The following NUP133 variants were observed in gnomAD, a reference collection of about 807,000 sequenced individuals.
The protein encoded by NUP133 is nuclear pore complex protein Nup133.
Under a neutral mutation model 146.2 loss-of-function variants are expected in NUP133, and 66 were observed. That is an observed-to-expected ratio of 0.45 (90% CI 0.37 to 0.55). NUP133 has a LOEUF of 0.55. Ranked by LOEUF, NUP133 falls within the 20% of genes least tolerant of loss-of-function variation. The pLI is 0.00. For synonymous variants in NUP133, 521 were observed against 498.8 expected, an observed-to-expected ratio of 1.04 and a Z score of -0.59; for missense variants, 1,277 against 1,374.8, an observed-to-expected ratio of 0.93 and a Z score of 1.12.
rs200086993 is a variant in NUP133, at chr1:229,450,533, T to C, written c.3172A>G (p.Ile1058Val). ...CAAGCAATTTTACTTACCTCATCAA[T>C]ATATTCCAACAAGTCCAAAGCTTTC... ...FKKALDLLEY[I>V]DEEEDININD... The change falls in exon 23 of 26, where the codon ATT becomes GTT. Residue 1058 changes from isoleucine to valine, a missense_variant. This residue lies in a region of NUP133 where 952 missense variants were observed against 1,047.0 expected (regional missense o/e 0.91). Transcript: ENST00000261396. The C allele has an allele frequency of 9.8e-5, 154 of 1,569,644 alleles. 1 individual carries two copies. In the East Asian group the frequency reaches 3.5e-3, roughly 36 times the overall value.
chr1:229,508,290 C>A lies in NUP133; in HGVS notation c.-41G>T, dbSNP rs767055105. 9 of 1,377,440 alleles carry A rather than the reference C, an allele frequency of 6.5e-6. No homozygotes were observed. Among genetic ancestry groups the A allele is most frequent in the Non-Finnish European group, 8.5e-6 (9 of 1,053,258 alleles). The allele number at this position is 1,377,440 out of a possible 1,614,324, so 85.3% of individuals were successfully genotyped here. A position where few individuals can be genotyped will look rare whatever the true frequency, so the allele number is the denominator to read the frequency against. On this transcript the variant is annotated 5_prime_UTR_variant, in exon 1 of 26. Coordinates refer to ENST00000261396, the MANE Select transcript of NUP133 (RefSeq NM_018230.3). Reference sequence around the variant, plus strand: ...CGACTAGGACAGCGAGGGATCTGGCCGTCAGGTTGCAGCCTGGCCTGCGCG... The same window carrying A: ...CGACTAGGACAGCGAGGGATCTGGCAGTCAGGTTGCAGCCTGGCCTGCGCG...
chr1:229,471,319 G>A (rs1660949987), intron 14 of NUP133, among the ~76,000 whole-genome samples: 1 of 152,044 alleles, frequency 6.6e-6, no homozygotes, highest in African/African-American at 2.4e-5. Context: ...ATGTTGCCCA[G>A]GCTGATCTTG....
intron 12 of NUP133, among the ~76,000 whole-genome samples, chr1:229,478,003 G>C (rs1191118018): frequency 6.6e-6 from 1 of 152,112 alleles, no homozygotes; most frequent in Non-Finnish European, 1.5e-5. Context: ...AGCATAATTA[G>C]AATGTTCACA....
chr1:229,500,618 GCT>G (rs1179809986), intron 4 of NUP133, 136 bp downstream of exon 4: 50 of 558,542 alleles, frequency 9.0e-5, no homozygotes, highest in Non-Finnish European at 1.1e-4. Flanking sequence ...TATGTGTGTA[GCT>G]CTCTTTGCCA....
intron 20 of NUP133, among the ~76,000 whole-genome samples, chr1:229,458,802 C>A (rs180790407): frequency 6.6e-6 from 1 of 151,394 alleles, no homozygotes; most frequent in East Asian, 1.9e-4. Flanking sequence ...CTTCGCCTCC[C>A]GGGTTCAAGT....
intron 8 of NUP133, among the ~76,000 whole-genome samples, chr1:229,491,102 T>C (rs1330737773): frequency 1.9e-4 from 29 of 152,164 alleles, no homozygotes; most frequent in Non-Finnish European, 1.5e-5. Context: ...AGCCCTCCAG[T>C]GAAACTGATC....
At position 229,466,651 on chromosome 1, in the gene NUP133, C is replaced by T; in HGVS notation, c.2182G>A (p.Val728Met). Residue 728 changes from valine to methionine, a missense_variant, in exon 16 of 26, where the codon GTG (valine) becomes ATG (methionine). By Grantham distance (21) the Val-to-Met change is conservative. Around this residue, in one of 3 missense-constraint regions of NUP133, gnomAD observed 952 missense variants for 1,047.0 expected, o/e 0.91. Coordinates refer to ENST00000261396, the MANE Select transcript of NUP133 (RefSeq NM_018230.3). ...TTTTGTACCTTGAGAATATTGTTCA[C>T]ATTGATCACCACTTCAGCCCATTCA... ...SIEWAEVVIN[V>M]NNILKDMLQA... The T allele has an allele frequency of 5.0e-6, 8 of 1,614,056 alleles. No homozygotes were observed. Among genetic ancestry groups the T allele is most frequent in the Non-Finnish European group, 6.8e-6 (8 of 1,179,984 alleles).
chr1:229,506,316 A>C (rs981195827), intron 1 of NUP133, among the ~76,000 whole-genome samples, 158 bp from the exon 2 acceptor site: 20 of 152,134 alleles, frequency 1.3e-4, no homozygotes, highest in Admixed American at 6.5e-5. Flanking sequence ...CATGTAAAAA[A>C]AAAACAAAAC....
chr1:229,476,861 T>C (rs1431648281), intron 13 of NUP133, among the ~76,000 whole-genome samples: 2 of 147,792 alleles, frequency 1.4e-5, no homozygotes. Context: ...GAGGTGGAGG[T>C]TGCAGTTAGC....
intron 8 of NUP133, 128 bp downstream of exon 8, chr1:229,495,367 G>A (rs1050501300): frequency 8.2e-5 from 55 of 669,458 alleles, no homozygotes; most frequent in Admixed American, 6.1e-4. Context: ...TTCCAGCCCG[G>A]GTGATAGAGT....
At chr1:229,449,865 ATATATATATTTTT>A (rs1660402638) in intron 23 of NUP133, among the ~76,000 whole-genome samples, 1 of 100,880 alleles carries the variant, frequency 9.9e-6, no homozygotes, top group African/African-American at 4.6e-5. Flanking sequence ...ATATATATAT[ATATATATATTTTT>A]TTTTTTTTTT....
At chr1:229,472,628 A>G (rs1333554317) in intron 14 of NUP133, among the ~76,000 whole-genome samples, 2 of 151,150 alleles carry the variant, frequency 1.3e-5, no homozygotes, top group East Asian at 1.9e-4. Flanking sequence ...AGCTACAGTG[A>G]GCTATGATCA....
At chr1:229,448,441 TA>T (rs1266248189) in intron 24 of NUP133, among the ~76,000 whole-genome samples, 1 of 151,448 alleles carries the variant, frequency 6.6e-6, no homozygotes, top group African/African-American at 2.4e-5. Context: ...AATAAAAAAA[TA>T]AAAAAATAAA....
intron 1 of NUP133, 144 bp from the exon 2 acceptor site, chr1:229,506,302 T>C: frequency 4.0e-6 from 2 of 501,304 alleles, no homozygotes; most frequent in Non-Finnish European, 7.1e-6. Flanking sequence ...AATGTAATAT[T>C]TTTCATGTAA....
chr1:229,486,445 T>G lies in NUP133; in HGVS notation c.1426A>C (p.Arg476=), dbSNP rs1029658145. The G allele has an allele frequency of 5.8e-5, 93 of 1,610,958 alleles. No homozygotes were observed. The highest frequency in any genetic ancestry group is 7.6e-5 in the Non-Finnish European group (90 of 1,179,096). ...TCTGCCAATATAGACACATTTTCCC[T>G]TGAAGTAATAGACACCAGTCCACTG... The part of the protein sequence containing the change: ...RNSGLVSITS[R]ENVSILAEDL... The change falls in exon 11 of 26, where the codon AGG becomes CGG. Residue 476 remains arginine (R), a synonymous_variant. Coordinates refer to ENST00000261396, the MANE Select transcript of NUP133 (RefSeq NM_018230.3).
In NUP133 at chr1:229,470,687, G is replaced by A; in HGVS notation, c.1969C>T (p.His657Tyr). Residue 657 changes from histidine to tyrosine, a missense_variant, in exon 15 of 26, where the codon CAC becomes TAC. By Grantham distance (83) the His-to-Tyr change is moderately conservative. Transcript: ENST00000261396. ...LSAAIVLKNHHSRLSDLVNTA... is the reference protein window; with the variant it reads ...LSAAIVLKNHYSRLSDLVNTA... ...TTGACAAGGTCAGAAAGCCGGGAGT[G>A]GTGGTTCTTGAGAACAATGGCGGCT... is the stretch of plus-strand genomic sequence containing the variant. 1 of 1,614,172 alleles carries A rather than the reference G, an allele frequency of 6.2e-7. No individual in the cohort carries two copies. The highest frequency in any genetic ancestry group is 8.5e-7 in the Non-Finnish European group (1 of 1,180,026).
In NUP133 at chr1:229,499,723, C is replaced by T. The variant is rs981084559; in HGVS notation, c.609G>A (p.Ser203=). The T allele has an allele frequency of 7.4e-6, 12 of 1,613,952 alleles. No individual in the cohort carries two copies. Among genetic ancestry groups the T allele is most frequent in the Admixed American group, 3.3e-5 (2 of 60,000 alleles). The change falls in exon 5 of 26, where the codon TCG becomes TCA. Residue 203 remains serine (S), a synonymous_variant. Coordinates refer to ENST00000261396, the MANE Select transcript of NUP133 (RefSeq NM_018230.3). Reference sequence around the variant, plus strand: ...GGAAACTGTAAGTCTTATCACCTCCCGAATCTACAAAAGCCTCTGTGTAGG... The same window carrying T: ...GGAAACTGTAAGTCTTATCACCTCCTGAATCTACAAAAGCCTCTGTGTAGG... ...EDTYTEAFVD[S]GGDKTYSFLT...
In NUP133 at chr1:229,442,122, C is replaced by T. The variant is rs1660197536; in HGVS notation, c.3335-82G>A. 1.6e-5 allele frequency: 21 copies of T among 1,322,904 alleles called. No individual in the cohort carries two copies. In the South Asian group the frequency reaches 2.9e-4, roughly 18 times the overall value. 81.9% of individuals were successfully genotyped at this position (1,322,904 alleles called of 1,614,324 possible). ...TTCTGATGATTGATGACAAAAGCAC[C>T]TGTGCTTCTATTTAAATATAACGTC... On this transcript the variant is annotated intron_variant, in intron 25 of 25. Coordinates refer to ENST00000261396, the MANE Select transcript of NUP133 (RefSeq NM_018230.3).
intron 10 of NUP133, among the ~76,000 whole-genome samples, 173 bp downstream of exon 10, chr1:229,487,293 A>G (rs995978617): frequency 6.6e-6 from 1 of 152,134 alleles, no homozygotes; most frequent in African/African-American, 2.4e-5. Flanking sequence ...AAATTCTAGT[A>G]CCCTTTTGGT....
Sources: allele counts gnomAD v4.1 joint callset (sites outside exome capture counted in the v4.1 genomes callset), GRCh38; gene constraint gnomAD v4.1.1; regional missense constraint gnomAD v4.1.1; transcripts MANE v1.5; gene names NCBI Gene and HGNC (gene_info 2026-07-23, HGNC 2026-07-21).